Variants in TENM4 observed in about 807,000 individuals in gnomAD.
TENM4 encodes teneurin transmembrane protein 4.
Under a neutral mutation model 243.3 loss-of-function variants are expected in TENM4, and 82 were observed. The observed-to-expected ratio is 0.34, with a 90% CI of 0.28 to 0.40. The LOEUF (loss-of-function observed/expected upper bound fraction) is 0.40, where lower values mean the gene tolerates loss of function less well. TENM4 is among the 10% of genes least tolerant of loss of function. TENM4 has a pLI of 1.00. For synonymous variants in TENM4, 1,412 were observed against 1,456.3 expected, an observed-to-expected ratio of 0.97 and a Z score of 0.69; for missense variants, 3,138 against 3,673.3, an observed-to-expected ratio of 0.85 and a Z score of 3.77.
At chr11:78,664,491 C>G (rs1313266711) in intron 32 of TENM4, among the ~76,000 whole-genome samples, 2 of 152,306 alleles carry the variant, frequency 1.3e-5, no homozygotes, top group South Asian at 2.1e-4. Context: ...TTCCAAAGTA[C>G]TGGGATTACA....
chr11:78,871,304 T>C (rs533241002), intron 9 of TENM4, among the ~76,000 whole-genome samples: 1 of 152,344 alleles, frequency 6.6e-6, no homozygotes, highest in Admixed American at 6.5e-5. Context: ...GAGCTCCTCA[T>C]GGAGCTTGGT....
At chr11:79,378,778 G>T (rs1209030796) in intron 1 of TENM4, among the ~76,000 whole-genome samples, 2 of 151,960 alleles carry the variant, frequency 1.3e-5, no homozygotes, top group African/African-American at 2.4e-5. Context: ...AGATACTCAG[G>T]AGGCTGAGGT....
intron 1 of TENM4, among the ~76,000 whole-genome samples, chr11:79,404,316 C>A (rs61882554): frequency 1.3e-5 from 2 of 152,126 alleles, no homozygotes; most frequent in Admixed American, 1.3e-4. Flanking sequence ...GATCTTTAAC[C>A]AAATGGCAAA....
At chr11:78,955,134 C>A (rs1220995440) in intron 6 of TENM4, among the ~76,000 whole-genome samples, 1 of 152,244 alleles carries the variant, frequency 6.6e-6, no homozygotes, top group Non-Finnish European at 1.5e-5. Flanking sequence ...AAAGCCCAAA[C>A]TAGTTCCAAG....
intron 2 of TENM4, among the ~76,000 whole-genome samples, chr11:79,280,237 C>A (rs542319991): frequency 1.4e-4 from 21 of 152,324 alleles, no homozygotes; most frequent in South Asian, 2.1e-4. Flanking sequence ...TTTTCCTTCT[C>A]CTTCCCTCTC....
chr11:79,208,417 G>C (rs1008062347), intron 3 of TENM4, among the ~76,000 whole-genome samples: 1 of 152,126 alleles, frequency 6.6e-6, no homozygotes, highest in African/African-American at 2.4e-5. Flanking sequence ...GTGTAAAATG[G>C]GGGTGATAAG....
intron 11 of TENM4, among the ~76,000 whole-genome samples, chr11:78,854,691 T>C (rs867808988): frequency 1.3e-4 from 20 of 152,062 alleles, no homozygotes; most frequent in Middle Eastern, 3.4e-3. Flanking sequence ...TTGAACTTCA[T>C]GCAAGTCCTG....
intron 6 of TENM4, chr11:79,014,473 C>T (rs1858724602): frequency 6.6e-6 from 1 of 152,208 alleles, no homozygotes; most frequent in Non-Finnish European, 1.5e-5. Flanking sequence ...GAAACCAATA[C>T]AGCATATGCA....
At chr11:79,198,134 G>A (rs571006964) in intron 3 of TENM4, among the ~76,000 whole-genome samples, 1 of 152,350 alleles carries the variant, frequency 6.6e-6, no homozygotes, top group African/African-American at 2.4e-5. Context: ...ATTATTAAAT[G>A]ATGAGGATGA....
At position 79,224,960 on chromosome 11, in the gene TENM4, A is replaced by G. The variant is rs80080088; in HGVS notation, c.-264-9051T>C. ...GAGCCAGACTCTGTCTAAAAAAAAA[A>G]GGGGGAGGGGGGAAATTAGGACACA... On this transcript the variant is annotated intron_variant, in intron 2 of 33. Transcript: ENST00000278550. Among the ~76,000 whole-genome samples, 304 of 151,678 alleles carry G rather than the reference A, an allele frequency of 2.0e-3. 1 individual carries two copies. The highest frequency in any genetic ancestry group is 5.6e-3 in the East Asian group (29 of 5,140).
Position 78,982,738 on chromosome 11 carries a change from C to A in TENM4, c.494-79215G>T, listed in dbSNP as rs75696527. On this transcript the variant is annotated intron_variant, in intron 6 of 33. Transcript: ENST00000278550. ...ACAAAGCGCAACAGATGGCTCTCCA[C>A]GTCAAAAATTATTTCCTGATGCCCA... 1.6e-3 allele frequency among the ~76,000 whole-genome samples: 249 copies of A among 152,328 alleles called. 3 individuals carry two copies. Among genetic ancestry groups the A allele is most frequent in the African/African-American group, 5.6e-3 (234 of 41,568 alleles).
At chr11:78,910,813 G>A (rs1418172925) in intron 6 of TENM4, among the ~76,000 whole-genome samples, 6 of 152,124 alleles carry the variant, frequency 3.9e-5, no homozygotes, top group Non-Finnish European at 8.8e-5. Context: ...AATGGTTTCG[G>A]TTCATTCTCA....
intron 24 of TENM4, among the ~76,000 whole-genome samples, chr11:78,722,202 T>C (rs369320919): frequency 3.4e-4 from 52 of 152,224 alleles, no homozygotes; most frequent in African/African-American, 1.2e-3. Flanking sequence ...TTTTTGCAGA[T>C]GGGGGTCTCA....
At chr11:78,790,530 C>T (rs181829149) in intron 15 of TENM4, among the ~76,000 whole-genome samples, 1 of 152,174 alleles carries the variant, frequency 6.6e-6, no homozygotes, top group African/African-American at 2.4e-5. Flanking sequence ...TGAACTATCA[C>T]AACAAGGCTG....
At chr11:78,666,961 A>G (rs553174767) in intron 32 of TENM4, among the ~76,000 whole-genome samples, 5 of 152,176 alleles carry the variant, frequency 3.3e-5, no homozygotes, top group Non-Finnish European at 7.3e-5. Context: ...TTTTTGATAG[A>G]AAAGTACATT....
chr11:79,413,716 G>A (rs1858751374), intron 1 of TENM4, among the ~76,000 whole-genome samples: 1 of 152,048 alleles, frequency 6.6e-6, no homozygotes, highest in African/African-American at 2.4e-5. Context: ...GAACAATTGG[G>A]GCAATCTGAA....
At chr11:78,990,063 T>TAAAAA (rs780530657) in intron 6 of TENM4, among the ~76,000 whole-genome samples, 1 of 139,006 alleles carries the variant, frequency 7.2e-6, no homozygotes, top group African/African-American at 2.7e-5. Flanking sequence ...AGGCTTTGTT[T>TAAAAA]AAAAAAAAAA....
At chr11:79,101,111 AG>A (rs966676780) in intron 4 of TENM4, among the ~76,000 whole-genome samples, 6 of 152,340 alleles carry the variant, frequency 3.9e-5, no homozygotes, top group African/African-American at 1.4e-4. Context: ...GGCCATCCCC[AG>A]GGTTTCAAAG....
chr11:79,328,652 C>G (rs2135440294), intron 1 of TENM4, among the ~76,000 whole-genome samples: 1 of 152,162 alleles, frequency 6.6e-6, no homozygotes, highest in African/African-American at 2.4e-5. Context: ...TGGGAAGAAG[C>G]CTGTAAGCAA....
Sources: gnomAD v4.1 joint callset for allele counts (sites outside exome capture counted in the v4.1 genomes callset) on GRCh38, gnomAD v4.1.1 for gene constraint, MANE v1.5 for transcripts, NCBI Gene and HGNC (gene_info 2026-07-23, HGNC 2026-07-21) for gene names.